Variants in GPR39 observed in about 807,000 individuals in gnomAD.
GPR39 encodes the protein zinc sensing receptor.
In GPR39, 23 loss-of-function variants were observed where a neutral mutation model predicts 18.4. The observed-to-expected ratio is 1.25, with a 90% CI of 0.90 to 1.77. GPR39 has a LOEUF of 1.77. Ranked by LOEUF, GPR39 falls within the 40% of genes most tolerant of loss-of-function variation. The pLI is 0.00. For synonymous variants in GPR39, 280 were observed against 257.9 expected, an observed-to-expected ratio of 1.09 and a Z score of -0.82; for missense variants, 647 against 602.4, an observed-to-expected ratio of 1.07 and a Z score of -0.78.
chr2:132,573,526 A>G (rs1680479581), intron 1 of GPR39, among the ~76,000 whole-genome samples: 1 of 152,190 alleles, frequency 6.6e-6, no homozygotes, highest in Non-Finnish European at 1.5e-5. Flanking sequence ...AGAGTGACAA[A>G]AAGGTAATCA....
At chr2:132,620,326 G>C (rs1558861375) in intron 1 of GPR39, among the ~76,000 whole-genome samples, 1 of 152,082 alleles carries the variant, frequency 6.6e-6, no homozygotes, top group African/African-American at 2.4e-5. Flanking sequence ...TTGCCCAGAG[G>C]GTTCCTCATG....
At chr2:132,490,198 G>A (rs1681429995) in intron 1 of GPR39, among the ~76,000 whole-genome samples, 1 of 151,906 alleles carries the variant, frequency 6.6e-6, no homozygotes, top group South Asian at 2.1e-4. Flanking sequence ...GTTTGGAGGG[G>A]CAGGATGCAG....
chr2:132,616,398 A>G (rs950964529), intron 1 of GPR39, among the ~76,000 whole-genome samples: 4 of 152,154 alleles, frequency 2.6e-5, no homozygotes, highest in African/African-American at 9.7e-5. Context: ...ATGCAAGGTA[A>G]TGCTATTGAA....
At chr2:132,578,167 G>T (rs550849600) in intron 1 of GPR39, among the ~76,000 whole-genome samples, 1 of 150,374 alleles carries the variant, frequency 6.7e-6, no homozygotes, top group South Asian at 2.1e-4. Flanking sequence ...TTGTCGATGT[G>T]GTAGATTACA....
At chr2:132,496,601 T>C (rs762412416) in intron 1 of GPR39, among the ~76,000 whole-genome samples, 3 of 152,238 alleles carry the variant, frequency 2.0e-5, no homozygotes, top group Non-Finnish European at 4.4e-5. Flanking sequence ...CCATCCCTTT[T>C]ACCAAACCTT....
chr2:132,539,127 G>C (rs981048421), intron 1 of GPR39, among the ~76,000 whole-genome samples: 5 of 152,206 alleles, frequency 3.3e-5, no homozygotes, highest in African/African-American at 1.2e-4. Context: ...GACTTCTGCA[G>C]CTCAGTGCCT....
At chr2:132,606,804 G>A (rs1681146000) in intron 1 of GPR39, among the ~76,000 whole-genome samples, 1 of 152,212 alleles carries the variant, frequency 6.6e-6, no homozygotes, top group Non-Finnish European at 1.5e-5. Flanking sequence ...GGGGGACAGA[G>A]CGGGAAGGTG....
intron 1 of GPR39, among the ~76,000 whole-genome samples, chr2:132,569,753 A>G (rs1012001285): frequency 2.0e-5 from 3 of 151,964 alleles, no homozygotes; most frequent in African/African-American, 7.3e-5. Context: ...TGTGGGAGGG[A>G]CCCAGTGGGA....
At chr2:132,465,146 A>G (rs980044328) in intron 1 of GPR39, among the ~76,000 whole-genome samples, 3 of 152,232 alleles carry the variant, frequency 2.0e-5, no homozygotes, top group African/African-American at 7.2e-5. Flanking sequence ...TGAAACCTCA[A>G]GGAACAGCAT....
At chr2:132,624,447 G>A (rs932579207) in intron 1 of GPR39, among the ~76,000 whole-genome samples, 36 of 152,194 alleles carry the variant, frequency 2.4e-4, no homozygotes, top group African/African-American at 7.5e-4. Context: ...GGAATAATTC[G>A]AAAGAAATAT....
chr2:132,613,139 A>G (rs940183471), intron 1 of GPR39, among the ~76,000 whole-genome samples: 2 of 152,150 alleles, frequency 1.3e-5, no homozygotes, highest in African/African-American at 2.4e-5. Flanking sequence ...GTTTTTCCAT[A>G]GATGCTTTTG....
chr2:132,599,483 G>T lies in GPR39; in HGVS notation c.857-45618G>T, dbSNP rs964305711. 7.2e-5 allele frequency among the ~76,000 whole-genome samples: 11 copies of T among 152,264 alleles called. 1 individual carries two copies. The highest frequency in any genetic ancestry group is 2.4e-4 in the African/African-American group (10 of 41,546). ...GCTGGGAGAGAATTTTTCTCTGCAC[G>T]AGGTGAATGTTCCATTTCTGGACTG... On this transcript the variant is annotated intron_variant, in intron 1 of 1. Coordinates refer to ENST00000329321, the MANE Select transcript of GPR39 (RefSeq NM_001508.3).
intron 1 of GPR39, among the ~76,000 whole-genome samples, chr2:132,498,808 A>C (rs954556808): frequency 6.6e-6 from 1 of 152,210 alleles, no homozygotes; most frequent in Admixed American, 6.5e-5. Flanking sequence ...CATTTCCCTG[A>C]TAATTAGTGA....
rs139094721 is a variant in GPR39, at chr2:132,574,956, G to A, written c.857-70145G>A. On this transcript the variant is annotated intron_variant, in intron 1 of 1. Coordinates refer to ENST00000329321, the MANE Select transcript of GPR39 (RefSeq NM_001508.3). Reference sequence around the variant, plus strand: ...CCTTTTGTGACTGAGGTTTCCTCCTGAAAGCACCCATTATTACCAATTTTT... The same window carrying A: ...CCTTTTGTGACTGAGGTTTCCTCCTAAAAGCACCCATTATTACCAATTTTT... Among the ~76,000 whole-genome samples, 75 of 152,236 alleles carry A rather than the reference G, an allele frequency of 4.9e-4. 1 individual carries two copies. The highest frequency in any genetic ancestry group is 1.2e-3 in the Admixed American group (19 of 15,288).
chr2:132,643,359 A>G (rs1385777332), intron 1 of GPR39, among the ~76,000 whole-genome samples: 10 of 152,216 alleles, frequency 6.6e-5, no homozygotes, highest in Non-Finnish European at 1.5e-4. Flanking sequence ...TTAACAAAGG[A>G]GAAGAGTTTC....
intron 1 of GPR39, among the ~76,000 whole-genome samples, chr2:132,435,080 C>G (rs1181533790): frequency 2.6e-5 from 4 of 152,124 alleles, no homozygotes; most frequent in Non-Finnish European, 5.9e-5. Flanking sequence ...ATGGATCATT[C>G]TATGATACAG....
chr2:132,627,015 G>A (rs764642994), intron 1 of GPR39, among the ~76,000 whole-genome samples: 5 of 152,176 alleles, frequency 3.3e-5, no homozygotes, highest in African/African-American at 1.2e-4. Flanking sequence ...CAGGGAAGCC[G>A]CCCCAGTGTT....
chr2:132,519,556 A>G (rs1015144128), intron 1 of GPR39, among the ~76,000 whole-genome samples: 3 of 152,216 alleles, frequency 2.0e-5, no homozygotes, highest in Admixed American at 2.0e-4. Flanking sequence ...GAACTTGATT[A>G]CTGCAAAGTA....
chr2:132,468,728 G>A (rs1680975258), intron 1 of GPR39, among the ~76,000 whole-genome samples: 1 of 152,224 alleles, frequency 6.6e-6, no homozygotes, highest in African/African-American at 2.4e-5. Context: ...GTTACAGATG[G>A]AAGGTGGGGC....
Sources: gnomAD v4.1 joint callset for allele counts (sites outside exome capture counted in the v4.1 genomes callset) on GRCh38, gnomAD v4.1.1 for gene constraint, MANE v1.5 for transcripts, NCBI Gene and HGNC (gene_info 2026-07-23, HGNC 2026-07-21) for gene names.